Variants in PKP4 observed in about 807,000 individuals in gnomAD.
The protein encoded by PKP4 is plakophilin-4.
Under a neutral mutation model 145.1 loss-of-function variants are expected in PKP4, and 90 were observed. The observed-to-expected ratio is 0.62, with a 90% confidence interval of 0.52 to 0.74. The LOEUF is 0.74. PKP4 is among the 30% of genes least tolerant of loss of function. The pLI, the probability that PKP4 is intolerant of heterozygous loss-of-function variation, is 0.00. For synonymous variants in PKP4, 563 were observed against 577.2 expected, an observed-to-expected ratio of 0.98 and a Z score of 0.35; for missense variants, 1,340 against 1,482.7, an observed-to-expected ratio of 0.90 and a Z score of 1.58.
At chr2:158,509,360 C>T (rs2041292244) in intron 1 of PKP4, among the ~76,000 whole-genome samples, 1 of 152,132 alleles carries the variant, frequency 6.6e-6, no homozygotes, top group African/African-American at 2.4e-5. Context: ...TTATCAAATG[C>T]TGCTTTGATC....
At position 158,652,684 on chromosome 2, in the gene PKP4, C is replaced by T. The variant is rs948132522; in HGVS notation, c.1910-5447C>T. On this transcript the variant is annotated intron_variant, in intron 11 of 21. Transcript: ENST00000389759. Reference sequence around the variant, plus strand: ...TACCCCCATTTTTCAAGAATGTTTGCAGGGTGGTTCCAGTGAGCCCATAGA... The same window carrying T: ...TACCCCCATTTTTCAAGAATGTTTGTAGGGTGGTTCCAGTGAGCCCATAGA... 2.0e-5 allele frequency among the ~76,000 whole-genome samples: 3 copies of T among 152,118 alleles called. No homozygotes were observed. The East Asian group carries it at 5.8e-4, about 29-fold the overall frequency.
chr2:158,465,005 TC>T (rs1371887112), intron 1 of PKP4, among the ~76,000 whole-genome samples: 1 of 152,212 alleles, frequency 6.6e-6, no homozygotes, highest in Non-Finnish European at 1.5e-5. Flanking sequence ...CTACTCCATA[TC>T]AGACTGATAG....
chr2:158,608,808 CTTTTTTTTTT>C (rs66933766), intron 4 of PKP4, among the ~76,000 whole-genome samples: 1 of 86,182 alleles, frequency 1.2e-5, no homozygotes, highest in Admixed American at 1.4e-4. Flanking sequence ...TCTTTTCTTT[CTTTTTTTTTT>C]TTTTTTTTTT....
intron 3 of PKP4, among the ~76,000 whole-genome samples, chr2:158,602,537 A>G (rs1267939601): frequency 1.3e-5 from 2 of 152,156 alleles, no homozygotes; most frequent in African/African-American, 4.8e-5. Context: ...CCCTCTAATA[A>G]CCAAGGAAAA....
chr2:158,603,200 A>G, intron 4 of PKP4, 96 bp downstream of exon 4: 1 of 674,594 alleles, frequency 1.5e-6, no homozygotes, highest in Admixed American at 3.0e-5. Context: ...AAGCCAAGCA[A>G]AGCCTTTAAT....
At chr2:158,590,058 T>C (rs1295733639) in intron 3 of PKP4, among the ~76,000 whole-genome samples, 1 of 152,170 alleles carries the variant, frequency 6.6e-6, no homozygotes, top group African/African-American at 2.4e-5. Context: ...TATAGTTATC[T>C]TCCCTGAGGC....
At chr2:158,633,759 T>C (rs1490220937) in intron 8 of PKP4, among the ~76,000 whole-genome samples, 2 of 152,248 alleles carry the variant, frequency 1.3e-5, no homozygotes, top group Non-Finnish European at 2.9e-5. Flanking sequence ...ATTTTGCTAT[T>C]TTATCATTTA....
At chr2:158,529,648 A>G (rs1376067942) in intron 1 of PKP4, among the ~76,000 whole-genome samples, 1 of 152,194 alleles carries the variant, frequency 6.6e-6, no homozygotes, top group Non-Finnish European at 1.5e-5. Flanking sequence ...AACACAGCAT[A>G]AGATCACTTA....
intron 1 of PKP4, among the ~76,000 whole-genome samples, chr2:158,462,487 C>T (rs1446819947): frequency 5.3e-5 from 8 of 152,056 alleles, no homozygotes; most frequent in African/African-American, 1.7e-4. Context: ...TCTTTTGAGA[C>T]TTTTGAACCT....
chr2:158,476,982 GA>G (rs1692572448), intron 1 of PKP4, among the ~76,000 whole-genome samples: 1 of 152,008 alleles, frequency 6.6e-6, no homozygotes, highest in African/African-American at 2.4e-5. Context: ...CATTTACAAA[GA>G]ATTATATTCT....
At chr2:158,532,931 C>G (rs1169103364) in intron 1 of PKP4, among the ~76,000 whole-genome samples, 1 of 152,086 alleles carries the variant, frequency 6.6e-6, no homozygotes, top group Non-Finnish European at 1.5e-5. Flanking sequence ...TTGTAGATGT[C>G]TTTTTGTGTG....
At position 158,459,223 on chromosome 2, in the gene PKP4, C is replaced by T. The variant is rs561727430; in HGVS notation, c.-6+2005C>T. Among the ~76,000 whole-genome samples the T allele has an allele frequency of 4.3e-4, 66 of 152,262 alleles. No homozygotes were observed. In the Middle Eastern group the frequency reaches 0.014, roughly 31 times the overall value. The stretch of plus-strand genomic sequence containing the variant: ...GAAAATGGCAACATGAAAACGAGAA[C>T]AACTAATGTCTGAAATAAGTGTTTC... On this transcript the variant is annotated intron_variant, in intron 1 of 21. Transcript: ENST00000389759.
intron 12 of PKP4, chr2:158,658,668 A>G (rs902660638): frequency 1.6e-5 from 3 of 183,958 alleles, no homozygotes; most frequent in African/African-American, 2.4e-5. Context: ...TCAAAATGTG[A>G]TGGTTAAAAC....
chr2:158,533,149 A>C (rs773490735), intron 1 of PKP4, 31 bp from the exon 2 acceptor site: 21 of 1,575,480 alleles, frequency 1.3e-5, no homozygotes, highest in Non-Finnish European at 1.6e-5. Context: ...GCCCAGAAGA[A>C]AGTGTTAACC....
intron 1 of PKP4, among the ~76,000 whole-genome samples, chr2:158,470,498 A>G (rs1359869105): frequency 6.6e-6 from 1 of 152,228 alleles, no homozygotes; most frequent in Non-Finnish European, 1.5e-5. Context: ...GTAGAAAGAA[A>G]GAAAGCGCAG....
chr2:158,501,128 A>G (rs916081008), intron 1 of PKP4, among the ~76,000 whole-genome samples: 1 of 152,080 alleles, frequency 6.6e-6, no homozygotes, highest in African/African-American at 2.4e-5. Context: ...CAAACACCAT[A>G]TTCCCTTCAG....
At chr2:158,584,232 C>T (rs1237502998) in intron 3 of PKP4, among the ~76,000 whole-genome samples, 1 of 152,152 alleles carries the variant, frequency 6.6e-6, no homozygotes, top group Non-Finnish European at 1.5e-5. Flanking sequence ...AGTCATAATC[C>T]CACAGATGGC....
intron 4 of PKP4, among the ~76,000 whole-genome samples, chr2:158,605,846 C>T (rs913826949): frequency 6.6e-6 from 1 of 152,152 alleles, no homozygotes; most frequent in African/African-American, 2.4e-5. Context: ...TACTTTCTTT[C>T]CTTATGGATT....
chr2:158,500,618 GCCTT>G (rs1696410779), intron 1 of PKP4, among the ~76,000 whole-genome samples: 2 of 152,162 alleles, frequency 1.3e-5, no homozygotes, highest in African/African-American at 2.4e-5. Context: ...CAGAGCCCGT[GCCTT>G]CCTTCAGCCA....
Sources: allele counts gnomAD v4.1 joint callset (sites outside exome capture counted in the v4.1 genomes callset), GRCh38; gene constraint gnomAD v4.1.1; transcripts MANE v1.5; gene names NCBI Gene and HGNC (gene_info 2026-07-23, HGNC 2026-07-21).